Variants in SNAP25 observed in about 807,000 individuals in gnomAD.
SNAP25 encodes synaptosomal-associated protein 25.
In SNAP25, 3 loss-of-function variants were observed where a neutral mutation model predicts 28.7. That is an observed-to-expected ratio of 0.10 (90% CI 0.05 to 0.27). SNAP25 has a LOEUF of 0.27. Ranked by LOEUF, SNAP25 falls within the 10% of genes least tolerant of loss-of-function variation. The probability of loss-of-function intolerance (pLI) is 1.00; values close to 1 mark genes in which losing one functional copy is unlikely to be tolerated. For missense variants in SNAP25, 117 were observed against 278.7 expected (o/e 0.42, Z 4.13); for synonymous variants, 61 against 88.1 (o/e 0.69, Z 1.72).
intron 1 of SNAP25, among the ~76,000 whole-genome samples, chr20:10,266,995 G>A (rs2063518147): frequency 2.0e-5 from 3 of 152,062 alleles, no homozygotes; most frequent in African/African-American, 2.4e-5. Context: ...ACAGCCATTG[G>A]CCATGTGTTA....
At chr20:10,264,430 T>G in intron 1 of SNAP25, among the ~76,000 whole-genome samples, 1 of 152,198 alleles carries the variant, frequency 6.6e-6, no homozygotes, top group Non-Finnish European at 1.5e-5. Context: ...TCAGAGACAC[T>G]GTGGGAGAGG....
chr20:10,224,265 T>TCA (rs2062691865), intron 1 of SNAP25, among the ~76,000 whole-genome samples: 1 of 113,730 alleles, frequency 8.8e-6, no homozygotes, highest in Non-Finnish European at 1.8e-5. Context: ...GTCTTTTTTT[T>TCA]TTTTTTTTTT....
At chr20:10,223,421 A>C (rs1468955053) in intron 1 of SNAP25, among the ~76,000 whole-genome samples, 1 of 152,184 alleles carries the variant, frequency 6.6e-6, no homozygotes, top group African/African-American at 2.4e-5. Flanking sequence ...TCTGGCTATA[A>C]GGTATCAAGA....
At chr20:10,285,360 G>A (rs544698068) in intron 4 of SNAP25, among the ~76,000 whole-genome samples, 10 of 152,134 alleles carry the variant, frequency 6.6e-5, no homozygotes, top group Non-Finnish European at 1.5e-4. Flanking sequence ...GAAAATCAGA[G>A]AGCCAGCATT....
At chr20:10,296,828 A>T in intron 5 of SNAP25, 97 bp from the exon 6 acceptor site, 8 of 1,575,790 alleles carry the variant, frequency 5.1e-6, no homozygotes, top group Non-Finnish European at 6.9e-6. Context: ...CTTAAAACTC[A>T]TTCGCTTGGT....
chr20:10,276,545 C>G (rs2063694775), intron 2 of SNAP25, among the ~76,000 whole-genome samples: 1 of 152,148 alleles, frequency 6.6e-6, no homozygotes, highest in Non-Finnish European at 1.5e-5. Flanking sequence ...TTTTGTCATT[C>G]ACAAATGAGT....
intron 1 of SNAP25, among the ~76,000 whole-genome samples, chr20:10,230,402 G>C (rs1036413685): frequency 2.6e-5 from 4 of 152,132 alleles, no homozygotes; most frequent in African/African-American, 7.2e-5. Context: ...TAATAAGAGA[G>C]AGAACTTGAG....
At chr20:10,303,075 T>A (rs537742339) in intron 7 of SNAP25, among the ~76,000 whole-genome samples, 20 of 152,196 alleles carry the variant, frequency 1.3e-4, no homozygotes, top group Admixed American at 1.2e-3. Flanking sequence ...TAAAATGAAT[T>A]ATTTTTCTCA....
At chr20:10,265,090 G>A (rs567338846) in intron 1 of SNAP25, among the ~76,000 whole-genome samples, 1 of 152,204 alleles carries the variant, frequency 6.6e-6, no homozygotes, top group Admixed American at 6.5e-5. Context: ...TCATTCACAA[G>A]ACATGTGTTC....
chr20:10,287,869 T>A (rs1324141022), intron 4 of SNAP25, among the ~76,000 whole-genome samples: 2 of 152,016 alleles, frequency 1.3e-5, no homozygotes, highest in Non-Finnish European at 2.9e-5. Context: ...GGGACATGGA[T>A]GAAATTGGAA....
chr20:10,304,590 T>A (rs1193556930), intron 7 of SNAP25, among the ~76,000 whole-genome samples: 1 of 152,222 alleles, frequency 6.6e-6, no homozygotes, highest in East Asian at 1.9e-4. Context: ...TACCATCAGT[T>A]TATATCATTT....
intron 1 of SNAP25, among the ~76,000 whole-genome samples, chr20:10,223,327 A>G (rs1036405322): frequency 6.6e-6 from 1 of 152,232 alleles, no homozygotes; most frequent in African/African-American, 2.4e-5. Context: ...AAATGCTGAC[A>G]GAATTGCTAA....
intron 1 of SNAP25, among the ~76,000 whole-genome samples, chr20:10,245,364 A>G (rs2063108432): frequency 6.6e-6 from 1 of 152,130 alleles, no homozygotes; most frequent in Non-Finnish European, 1.5e-5. Context: ...CGCCGGTATA[A>G]AAGAACCTGG....
chr20:10,304,316 A>T (rs2045200190), intron 7 of SNAP25, among the ~76,000 whole-genome samples: 2 of 152,220 alleles, frequency 1.3e-5, no homozygotes, highest in Non-Finnish European at 2.9e-5. Context: ...GAGTGGAACA[A>T]AGTACAGTTG....
intron 5 of SNAP25, among the ~76,000 whole-genome samples, chr20:10,294,214 C>CTCT (rs2064057517): frequency 6.6e-6 from 1 of 152,172 alleles, no homozygotes; most frequent in African/African-American, 2.4e-5. Context: ...TTCCTAAAAG[C>CTCT]TCTCCTGATC....
chr20:10,260,590 C>T (rs78371242), intron 1 of SNAP25, among the ~76,000 whole-genome samples: 297 of 152,166 alleles, frequency 2.0e-3, no homozygotes, highest in African/African-American at 6.9e-3. Context: ...TGAGTTTTAA[C>T]AAGTGCTACC....
At chr20:10,295,744 C>T (rs548353198) in intron 5 of SNAP25, among the ~76,000 whole-genome samples, 7 of 152,224 alleles carry the variant, frequency 4.6e-5, no homozygotes, top group Middle Eastern at 3.4e-3. Flanking sequence ...GACTAAAAAG[C>T]ATATGGTTTC....
At chr20:10,286,323 A>G (rs912523062) in intron 4 of SNAP25, among the ~76,000 whole-genome samples, 2 of 152,176 alleles carry the variant, frequency 1.3e-5, no homozygotes, top group Non-Finnish European at 2.9e-5. Context: ...CCAGGAAGCA[A>G]TTAGAAGCAA....
intron 1 of SNAP25, among the ~76,000 whole-genome samples, chr20:10,244,205 G>A (rs754003160): frequency 7.9e-5 from 12 of 152,100 alleles, no homozygotes; most frequent in Non-Finnish European, 1.2e-4. Context: ...GTTAATAGTC[G>A]TGGTAATAAT....
Sources: gnomAD v4.1 joint callset for allele counts (sites outside exome capture counted in the v4.1 genomes callset) on GRCh38, gnomAD v4.1.1 for gene constraint, MANE v1.5 for transcripts, NCBI Gene and HGNC (gene_info 2026-07-23, HGNC 2026-07-21) for gene names.